Variants in TF observed in about 807,000 individuals in gnomAD.
TF encodes the protein transferrin, also known as serotransferrin.
In TF, 55 loss-of-function variants were observed where a neutral mutation model predicts 82.4. The ratio of observed to expected loss-of-function variants is 0.67; its 90% CI spans 0.54 to 0.84. TF has a LOEUF of 0.84. Ranked by LOEUF, TF falls within the 40% of genes least tolerant of loss-of-function variation. TF has a pLI of 0.00. For synonymous variants in TF, 332 were observed against 332.6 expected (o/e 1.00, Z 0.02); for missense variants, 737 against 868.4 (o/e 0.85, Z 1.90).
intron 8 of TF, among the ~76,000 whole-genome samples, chr3:133,758,871 C>A (rs1265261625): frequency 2.6e-5 from 4 of 152,070 alleles, no homozygotes; most frequent in Admixed American, 6.6e-5. Flanking sequence ...AATAAGAACA[C>A]CTCCAGTAGT....
At chr3:133,673,787 C>T in the TF span, among the ~76,000 whole-genome samples, 78 of 152,208 alleles carry the variant, frequency 5.1e-4, no homozygotes, top group Middle Eastern at 3.4e-3. Context: ...ATAATTAAGC[C>T]GTACATTTAT....
At chr3:133,760,474 G>A (rs746293804) in intron 9 of TF, 1 of 154,320 alleles carries the variant, frequency 6.5e-6, no homozygotes, top group African/African-American at 2.4e-5. Flanking sequence ...TTAAAGCAAA[G>A]CCTACAAATT....
intron 14 of TF, among the ~76,000 whole-genome samples, chr3:133,771,564 C>T (rs1238959174): frequency 1.1e-4 from 17 of 151,110 alleles, no homozygotes; most frequent in Admixed American, 1.1e-3. Context: ...GGTGAAACCC[C>T]GTCTCTACTA....
At chr3:133,725,372 G>A in the TF span, among the ~76,000 whole-genome samples, 11 of 152,096 alleles carry the variant, frequency 7.2e-5, no homozygotes, top group East Asian at 3.9e-4. Flanking sequence ...GGTCCTTCAC[G>A]TCCCTTGTAA....
At chr3:133,662,918 G>C in the TF span, among the ~76,000 whole-genome samples, 1 of 152,078 alleles carries the variant, frequency 6.6e-6, no homozygotes, top group African/African-American at 2.4e-5. Context: ...ATAGTAATGA[G>C]CAGCTTGAGT....
upstream of TF, among the ~76,000 whole-genome samples, chr3:133,744,511 A>G (rs1933453306): frequency 6.6e-6 from 1 of 152,204 alleles, no homozygotes; most frequent in East Asian, 1.9e-4. Flanking sequence ...CAAGGTCTCC[A>G]AATGAATCCA....
chr3:133,730,055 T>C, the TF span, among the ~76,000 whole-genome samples: 606 of 152,344 alleles, frequency 4.0e-3, 1 homozygote, highest in Middle Eastern at 6.8e-3. Flanking sequence ...TGTCCCTACA[T>C]TGATATCAGC....
At chr3:133,746,084 T>C (rs1017091194), upstream of TF, 20 of 430,824 alleles carry the variant, frequency 4.6e-5, no homozygotes, top group African/African-American at 3.6e-4. Context: ...TCTGCAGCCC[T>C]GGAGTCAGGA....
the TF span, among the ~76,000 whole-genome samples, chr3:133,669,542 G>A: frequency 6.6e-6 from 1 of 152,064 alleles, no homozygotes; most frequent in Non-Finnish European, 1.5e-5. Context: ...AATATAGGTA[G>A]AAGTGATGTT....
intron 9 of TF, chr3:133,761,532 A>AG (rs1437078540): frequency 6.6e-6 from 1 of 152,240 alleles, no homozygotes; most frequent in East Asian, 1.9e-4. Flanking sequence ...CCAGAAGCAA[A>AG]GGGTGTACTT....
At chr3:133,712,838 C>T in the TF span, 1 of 152,696 alleles carries the variant, frequency 6.5e-6, no homozygotes, top group Non-Finnish European at 1.5e-5. Flanking sequence ...TATCTTTGCA[C>T]CAAGCCAGTA....
chr3:133,754,280 G>C (rs1255544977), intron 3 of TF, among the ~76,000 whole-genome samples: 2 of 152,186 alleles, frequency 1.3e-5, no homozygotes, highest in Non-Finnish European at 2.9e-5. Context: ...TCTTGCCCCT[G>C]TTTGCCTGGA....
chr3:133,699,004 C>T, the TF span, among the ~76,000 whole-genome samples: 1 of 152,242 alleles, frequency 6.6e-6, no homozygotes, highest in Non-Finnish European at 1.5e-5. Flanking sequence ...CATGGTAATG[C>T]GTCAGCCCCA....
At chr3:133,741,919 T>C (rs1933401804), upstream of TF, among the ~76,000 whole-genome samples, 1 of 152,260 alleles carries the variant, frequency 6.6e-6, no homozygotes, top group South Asian at 2.1e-4. Context: ...GTATACATAC[T>C]GTCCTCAAAA....
the TF span, among the ~76,000 whole-genome samples, chr3:133,681,867 T>C: frequency 3.3e-5 from 5 of 152,214 alleles, no homozygotes; most frequent in African/African-American, 1.2e-4. Flanking sequence ...TCTCCCAGCA[T>C]GGAGTTTGAG....
Position 133,787,325 on chromosome 3 carries a change from C to A in TF, c.*8705C>A, listed in dbSNP as rs754496742. ...TGTTCAGCCATCTCTAAGCGTTACACATGCCTGTACCTGTCCACTGGATTG... is the reference window on the plus strand; with the variant it reads ...TGTTCAGCCATCTCTAAGCGTTACAAATGCCTGTACCTGTCCACTGGATTG... On this transcript the variant is annotated 3_prime_UTR_variant, in exon 17 of 17. Transcript: ENST00000402696. The A allele has an allele frequency of 3.9e-5, 6 of 152,176 alleles. No homozygotes were observed. Among genetic ancestry groups the A allele is most frequent in the Non-Finnish European group, 8.8e-5 (6 of 68,032 alleles). The allele number at this position is 152,176 out of a possible 1,614,324, so 9.4% of individuals were successfully genotyped here.
At chr3:133,767,597 C>T (rs147089508) in intron 12 of TF, among the ~76,000 whole-genome samples, 30 of 152,312 alleles carry the variant, frequency 2.0e-4, no homozygotes, top group African/African-American at 7.2e-4. Flanking sequence ...AGCTGAGCTG[C>T]AAAGAAAATT....
At chr3:133,732,077 C>A in the TF span, among the ~76,000 whole-genome samples, 1 of 152,052 alleles carries the variant, frequency 6.6e-6, no homozygotes. Flanking sequence ...GGCTCAGGAG[C>A]TGTGCACATG....
rs900761062 is a variant in TF at position 133,789,277 on chromosome 3, G to T, written c.*10657G>T. ...TTGCTGTTGAATGGGAAAGCGGGAT[G>T]CAGTTGCATGTATCCAGGCTTTGGT... On this transcript the variant is annotated 3_prime_UTR_variant, in exon 17 of 17. Coordinates refer to ENST00000402696, the MANE Select transcript of TF (RefSeq NM_001063.4). 6.6e-6 allele frequency: 1 copy of T among 152,452 alleles called. No homozygotes were observed. The highest frequency in any genetic ancestry group is 2.1e-4 in the South Asian group (1 of 4,836). 9.4% of individuals were successfully genotyped at this position (152,452 alleles called of 1,614,324 possible).
Sources: allele counts gnomAD v4.1 joint callset (sites outside exome capture counted in the v4.1 genomes callset), GRCh38; gene constraint gnomAD v4.1.1; transcripts MANE v1.5; gene names NCBI Gene and HGNC (gene_info 2026-07-23, HGNC 2026-07-21).